FNDC3A: variants seen among roughly 807,000 people sequenced by gnomAD.
The protein encoded by FNDC3A is fibronectin type III domain containing 3A.
FNDC3A carries 32 observed loss-of-function variants against 148.9 expected under a neutral mutation model. The ratio of observed to expected loss-of-function variants is 0.21; its 90% CI spans 0.16 to 0.29. FNDC3A has a LOEUF of 0.29. Ranked by LOEUF, FNDC3A falls within the 10% of genes least tolerant of loss-of-function variation. The pLI is 1.00. For synonymous variants in FNDC3A, 472 were observed against 473.6 expected, an observed-to-expected ratio of 1.00 and a Z score of 0.04; for missense variants, 1,191 against 1,452.8, an observed-to-expected ratio of 0.82 and a Z score of 2.93.
chr13:49,114,628 A>G, intron 3 of FNDC3A, 27 bp from the exon 4 acceptor site: 1 of 1,508,422 alleles, frequency 6.6e-7, no homozygotes, highest in African/African-American at 1.4e-5. Context: ...ATCATGGGTT[A>G]ATACATCATT....
intron 7 of FNDC3A, among the ~76,000 whole-genome samples, chr13:49,141,374 C>A (rs190310976): frequency 3.3e-5 from 5 of 152,188 alleles, no homozygotes; most frequent in East Asian, 1.9e-4. Context: ...ATGTGTCATG[C>A]CTTTTACTCA....
chr13:49,146,011 C>A, intron 8 of FNDC3A, 76 bp downstream of exon 8: 3 of 1,123,802 alleles, frequency 2.7e-6, no homozygotes, highest in South Asian at 1.6e-5. Flanking sequence ...ACTAATTTTG[C>A]TCTACTTTTC....
intron 3 of FNDC3A, among the ~76,000 whole-genome samples, chr13:49,094,239 G>A (rs757183302): frequency 7.2e-5 from 11 of 152,010 alleles, no homozygotes; most frequent in Non-Finnish European, 1.3e-4. Flanking sequence ...AATAACAATA[G>A]GCGTAAAAGG....
intron 7 of FNDC3A, among the ~76,000 whole-genome samples, chr13:49,145,212 T>G (rs1192487288): frequency 1.3e-5 from 2 of 152,240 alleles, no homozygotes; most frequent in Non-Finnish European, 2.9e-5. Flanking sequence ...TGAACTTACA[T>G]ATACTGTTAC....
intron 7 of FNDC3A, among the ~76,000 whole-genome samples, chr13:49,143,630 A>G (rs1327425127): frequency 1.3e-5 from 2 of 152,124 alleles, no homozygotes; most frequent in Non-Finnish European, 2.9e-5. Context: ...TTAAACCTAA[A>G]TTTATTTCCA....
At chr13:49,178,043 A>G (rs1885117524) in intron 13 of FNDC3A, among the ~76,000 whole-genome samples, 1 of 152,224 alleles carries the variant, frequency 6.6e-6, no homozygotes, top group African/African-American at 2.4e-5. Context: ...AATTCAAAAA[A>G]TGATAACGTT....
intron 2 of FNDC3A, among the ~76,000 whole-genome samples, chr13:49,014,739 G>A (rs9596053): frequency 0.45 from 44,344 of 99,074 alleles, 10,198 homozygotes; most frequent in Non-Finnish European, 0.56. Context: ...TAGGTCTAAC[G>A]TTTAAGTCTT....
intron 2 of FNDC3A, among the ~76,000 whole-genome samples, chr13:49,023,549 A>G (rs1049379760): frequency 5.9e-5 from 9 of 151,848 alleles, no homozygotes; most frequent in African/African-American, 1.9e-4. Flanking sequence ...TGGAATTTTG[A>G]GGGATTCTTG....
chr13:49,178,493 C>T, intron 13 of FNDC3A, 75 bp from the exon 14 acceptor site: 1 of 900,936 alleles, frequency 1.1e-6, no homozygotes, highest in Non-Finnish European at 1.8e-6. Context: ...AAACCCGGGT[C>T]TTTTCACATA....
Position 49,207,700 on chromosome 13 carries a change from G to C in FNDC3A, c.*305G>C, listed in dbSNP as rs1886718594. 1 of 255,494 alleles carries C rather than the reference G, an allele frequency of 3.9e-6. No homozygotes were observed. 15.8% of individuals were successfully genotyped at this position (255,494 alleles called of 1,614,324 possible). ...TTCTAAGAGGCAACAATTTAGAATG[G>C]ATATTTTGACGAATCGGCATGAGTG... On this transcript the variant is annotated 3_prime_UTR_variant, in exon 26 of 26. Transcript: ENST00000492622.
chr13:49,159,500 A>G (rs1883949222), intron 8 of FNDC3A, among the ~76,000 whole-genome samples: 1 of 152,226 alleles, frequency 6.6e-6, no homozygotes, highest in Non-Finnish European at 1.5e-5. Flanking sequence ...GTTGCTTATC[A>G]GCTTAAGGAG....
chr13:49,112,825 C>G (rs1054856752), intron 3 of FNDC3A, among the ~76,000 whole-genome samples: 3 of 152,054 alleles, frequency 2.0e-5, no homozygotes, highest in African/African-American at 7.2e-5. Flanking sequence ...AGGCCTGGCA[C>G]ATAGTAAGTT....
intron 1 of FNDC3A, among the ~76,000 whole-genome samples, chr13:49,002,797 C>T (rs1952148614): frequency 6.6e-6 from 1 of 152,168 alleles, no homozygotes; most frequent in Admixed American, 6.5e-5. Context: ...TTCATTGCTG[C>T]ATATAGTCCA....
chr13:49,121,068 A>G (rs1416195192), intron 4 of FNDC3A, among the ~76,000 whole-genome samples: 1 of 152,230 alleles, frequency 6.6e-6, no homozygotes, highest in Non-Finnish European at 1.5e-5. Flanking sequence ...CATCACGCTT[A>G]TTCTAAAACT....
chr13:49,023,125 A>G (rs938075678), intron 2 of FNDC3A, among the ~76,000 whole-genome samples: 1 of 152,090 alleles, frequency 6.6e-6, no homozygotes, highest in Non-Finnish European at 1.5e-5. Flanking sequence ...AAATTTTAAG[A>G]TAGTCTAAAG....
chr13:48,986,676 G>A (rs867416392), intron 1 of FNDC3A, among the ~76,000 whole-genome samples: 4 of 151,994 alleles, frequency 2.6e-5, no homozygotes, highest in African/African-American at 9.7e-5. Context: ...GATTACAGGC[G>A]TGAGCCACTG....
chr13:49,142,723 T>C (rs1882759363), intron 7 of FNDC3A, among the ~76,000 whole-genome samples: 1 of 152,210 alleles, frequency 6.6e-6, no homozygotes, highest in African/African-American at 2.4e-5. Context: ...CCTGTACTAA[T>C]TACCCACCTC....
intron 2 of FNDC3A, chr13:49,045,012 CATAAG>C (rs1566211351): frequency 6.4e-6 from 2 of 311,536 alleles, no homozygotes; most frequent in Non-Finnish European, 1.2e-5. Flanking sequence ...CACTGGCTCT[CATAAG>C]ATTTCTCCTT....
At chr13:49,095,573 A>G (rs1336718035) in intron 3 of FNDC3A, 2 of 152,218 alleles carry the variant, frequency 1.3e-5, no homozygotes, top group East Asian at 1.9e-4. Flanking sequence ...ACTATGAAAG[A>G]ATGTCTAGAA....
Sources: allele counts gnomAD v4.1 joint callset (sites outside exome capture counted in the v4.1 genomes callset), GRCh38; gene constraint gnomAD v4.1.1; transcripts MANE v1.5; gene names NCBI Gene and HGNC (gene_info 2026-07-23, HGNC 2026-07-21).